Variants in PRR16 observed in about 807,000 individuals in gnomAD.
The protein encoded by PRR16 is proline rich 16.
Under a neutral mutation model 18.2 loss-of-function variants are expected in PRR16, and 6 were observed. The observed-to-expected ratio is 0.33, with a 90% CI of 0.18 to 0.65. The LOEUF is 0.65. PRR16 is among the 30% of genes least tolerant of loss of function. The probability of loss-of-function intolerance (pLI) is 0.74; values close to 1 mark genes in which losing one functional copy is unlikely to be tolerated. For missense variants in PRR16, 412 were observed against 376.6 expected, an observed-to-expected ratio of 1.09 and a Z score of -0.78; for synonymous variants, 151 against 147.8, an observed-to-expected ratio of 1.02 and a Z score of -0.16.
At chr5:120,672,291 A>G (rs1363493213) in intron 1 of PRR16, among the ~76,000 whole-genome samples, 2 of 133,760 alleles carry the variant, frequency 1.5e-5, no homozygotes, top group African/African-American at 2.7e-5. Context: ...TTGTGGGGGG[A>G]AACAGAGGAA....
chr5:120,480,152 G>A (rs889446572), intron 1 of PRR16, among the ~76,000 whole-genome samples: 33 of 152,168 alleles, frequency 2.2e-4, no homozygotes, highest in African/African-American at 7.7e-4. Context: ...GTACGAGCCT[G>A]TAATCCCAGC....
intron 1 of PRR16, among the ~76,000 whole-genome samples, chr5:120,503,778 A>G (rs1397434219): frequency 6.7e-6 from 1 of 150,218 alleles, no homozygotes; most frequent in East Asian, 2.0e-4. Flanking sequence ...TCCTAATGCT[A>G]TCCCTCCCCG....
chr5:120,655,600 T>C (rs1211901024), intron 1 of PRR16, among the ~76,000 whole-genome samples: 2 of 151,876 alleles, frequency 1.3e-5, no homozygotes, highest in Non-Finnish European at 2.9e-5. Flanking sequence ...TCAATTTGTC[T>C]TATGAAAACT....
At chr5:120,681,667 T>C (rs1756977600) in intron 1 of PRR16, among the ~76,000 whole-genome samples, 1 of 152,216 alleles carries the variant, frequency 6.6e-6, no homozygotes, top group African/African-American at 2.4e-5. Flanking sequence ...ATAAGAGCAA[T>C]ACTCTCTCAG....
chr5:120,759,729 G>C, the PRR16 span, among the ~76,000 whole-genome samples: 2 of 152,124 alleles, frequency 1.3e-5, no homozygotes, highest in Non-Finnish European at 2.9e-5. Flanking sequence ...CATAATAACA[G>C]AATCTAAATT....
the PRR16 span, among the ~76,000 whole-genome samples, chr5:120,781,893 T>TA: frequency 7.0e-3 from 1,053 of 149,732 alleles, 6 homozygotes; most frequent in Middle Eastern, 0.014. Context: ...ATTATGTCCT[T>TA]ATTTTAAAGG....
the PRR16 span, among the ~76,000 whole-genome samples, chr5:120,733,430 A>G: frequency 6.6e-6 from 1 of 152,210 alleles, no homozygotes; most frequent in East Asian, 1.9e-4. Flanking sequence ...TTCTTTTGTT[A>G]TAAGGAATCT....
In PRR16 at chr5:120,686,555, C is replaced by T. The variant is rs746945489; in HGVS notation, c.761C>T (p.Thr254Ile). 4.3e-6 allele frequency: 7 copies of T among 1,613,786 alleles called. No individual in the cohort carries two copies. The East Asian group carries it at 6.7e-5, about 15-fold the overall frequency. ...CACCAAGGCCCTCCCCTCCCTCCTA[C>T]ACCCCATCTCCCTCCTTTCCCACTA... ...IPHQGPPLPP[T>I]PHLPPFPLEN... is the part of the protein sequence containing the mutation. Residue 254 changes from threonine to isoleucine, a missense_variant, in exon 2 of 2, where the codon ACA becomes ATA. Physicochemically the swap from Thr to Ile is moderately conservative, Grantham distance 89 (BLOSUM62 -1). Transcript: ENST00000407149.
intron 1 of PRR16, among the ~76,000 whole-genome samples, chr5:120,672,082 G>C (rs1412077424): frequency 6.6e-6 from 1 of 152,134 alleles, no homozygotes; most frequent in Non-Finnish European, 1.5e-5. Flanking sequence ...AAACCTTAAG[G>C]GGCTAATTAC....
chr5:120,671,693 A>T (rs1406745789), intron 1 of PRR16, among the ~76,000 whole-genome samples: 1 of 152,178 alleles, frequency 6.6e-6, no homozygotes, highest in Non-Finnish European at 1.5e-5. Context: ...TTTAATGTAA[A>T]TGTAAATATT....
rs117213756 is a variant in PRR16 at position 120,477,788 on chromosome 5, T to C, written c.159+13143T>C. Among the ~76,000 whole-genome samples the C allele has an allele frequency of 1.7e-3, 253 of 152,302 alleles. 3 individuals are homozygous for C. The East Asian group carries it at 0.027, about 16-fold the overall frequency. On this transcript the variant is annotated intron_variant, in intron 1 of 1. Transcript: ENST00000407149. ...TTACTACTTTCTCTGTGGCTCTCCT[T>C]ACTTCAGGCTCAGTCACAGTAGTCG...
chr5:120,609,716 A>G (rs926630433), intron 1 of PRR16, among the ~76,000 whole-genome samples: 1 of 152,222 alleles, frequency 6.6e-6, no homozygotes, highest in Admixed American at 6.5e-5. Context: ...TACTCATGCA[A>G]TGAAAAGACA....
At chr5:120,715,105 TAA>T in the PRR16 span, among the ~76,000 whole-genome samples, 1 of 144,934 alleles carries the variant, frequency 6.9e-6, no homozygotes, top group African/African-American at 2.5e-5. Flanking sequence ...TCCCAGAACT[TAA>T]AAAAAAAAAA....
intron 1 of PRR16, among the ~76,000 whole-genome samples, chr5:120,629,499 A>C (rs1206243116): frequency 6.6e-6 from 1 of 152,134 alleles, no homozygotes; most frequent in Non-Finnish European, 1.5e-5. Context: ...CATTGAAAGC[A>C]TCTTAGAATG....
At chr5:120,582,980 T>C (rs1338353063) in intron 1 of PRR16, among the ~76,000 whole-genome samples, 1 of 152,216 alleles carries the variant, frequency 6.6e-6, no homozygotes, top group Non-Finnish European at 1.5e-5. Context: ...AAGGTTGAAA[T>C]TATCTATACT....
At chr5:120,704,149 T>C in the PRR16 span, among the ~76,000 whole-genome samples, 6 of 152,118 alleles carry the variant, frequency 3.9e-5, no homozygotes, top group Admixed American at 3.9e-4. Flanking sequence ...AAACAGCTTT[T>C]TAAAAAAGGG....
At chr5:120,585,263 G>A (rs76842284) in intron 1 of PRR16, among the ~76,000 whole-genome samples, 3,037 of 152,202 alleles carry the variant, frequency 0.02, 32 homozygotes, top group South Asian at 0.035. Context: ...AATAATGTAA[G>A]AAAACTGAGC....
chr5:120,488,826 C>T (rs1749913431), intron 1 of PRR16, among the ~76,000 whole-genome samples: 3 of 152,044 alleles, frequency 2.0e-5, no homozygotes, highest in Admixed American at 1.3e-4. Flanking sequence ...TTGAATGTGT[C>T]TCCCAGAGAT....
chr5:120,683,167 C>G (rs920938707), intron 1 of PRR16, among the ~76,000 whole-genome samples: 2 of 152,060 alleles, frequency 1.3e-5, no homozygotes, highest in Non-Finnish European at 2.9e-5. Context: ...CTAGAACTGA[C>G]TCATACTAGC....
Sources: allele counts gnomAD v4.1 joint callset (sites outside exome capture counted in the v4.1 genomes callset), GRCh38; gene constraint gnomAD v4.1.1; transcripts MANE v1.5; gene names NCBI Gene and HGNC (gene_info 2026-07-23, HGNC 2026-07-21).